The following ZBBX variants were observed in gnomAD, a reference collection of about 807,000 sequenced individuals.
ZBBX encodes zinc finger B-box domain containing.
A neutral mutation model predicts 108.5 loss-of-function variants in ZBBX; 101 were observed. The observed-to-expected ratio is 0.93, with a 90% confidence interval of 0.79 to 1.10. The LOEUF (loss-of-function observed/expected upper bound fraction) is 1.10. ZBBX is among the 50% of genes least tolerant of loss of function. The pLI is 0.00. For missense variants in ZBBX, 1,009 were observed against 941.4 expected, an observed-to-expected ratio of 1.07 and a Z score of -0.94; for synonymous variants, 356 against 323.4, an observed-to-expected ratio of 1.10 and a Z score of -1.08.
chr3:167,359,718 C>T lies in ZBBX; in HGVS notation c.432+152G>A, dbSNP rs997058915. On this transcript the variant is annotated intron_variant, in intron 8 of 21. Transcript: ENST00000675490. Reference sequence around the variant, plus strand: ...TTGACTGTCCCCAGCAGCATGCATGCTCAACCCACAGTAACAGTAATGAAG... The same window carrying T: ...TTGACTGTCCCCAGCAGCATGCATGTTCAACCCACAGTAACAGTAATGAAG... 1.6e-5 allele frequency: 6 copies of T among 378,496 alleles called. 1 individual carries two copies. Among genetic ancestry groups the T allele is most frequent in the Admixed American group, 9.1e-5 (2 of 21,886 alleles). 23.4% of individuals were successfully genotyped at this position (378,496 alleles called of 1,614,324 possible).
At chr3:167,277,697 G>C in intron 20 of ZBBX, among the ~76,000 whole-genome samples, 1 of 152,052 alleles carries the variant, frequency 6.6e-6, no homozygotes, top group East Asian at 1.9e-4. Context: ...CAACGAGACA[G>C]AAAGTCAACA....
At chr3:167,268,314 G>A (rs1360477508) in intron 20 of ZBBX, among the ~76,000 whole-genome samples, 1 of 151,814 alleles carries the variant, frequency 6.6e-6, no homozygotes, top group Non-Finnish European at 1.5e-5. Flanking sequence ...TCCATTTTAG[G>A]CATTCTCTTC....
chr3:167,391,322 C>A (rs1174368769), intron 1 of ZBBX, among the ~76,000 whole-genome samples: 1 of 151,906 alleles, frequency 6.6e-6, no homozygotes. Context: ...GTCTTGCATC[C>A]CAGGGATGAA....
In ZBBX at chr3:167,240,708, T is replaced by G; in HGVS notation, c.*85A>C. 4 of 1,480,526 alleles carry G rather than the reference T, an allele frequency of 2.7e-6. No homozygotes were observed. Among genetic ancestry groups the G allele is most frequent in the Non-Finnish European group, 3.7e-6 (4 of 1,095,450 alleles). The allele number at this position is 1,480,526 out of a possible 1,614,324, so 91.7% of individuals were successfully genotyped here. On this transcript the variant is annotated 3_prime_UTR_variant, in exon 22 of 22. Coordinates refer to ENST00000675490, the MANE Select transcript of ZBBX (RefSeq NM_001199201.2). ...CATTAGTAATCAAAATCTCCAGCAC[T>G]TGGATAGGTAATCACTTGGTTACTT...
intron 10 of ZBBX, among the ~76,000 whole-genome samples, chr3:167,330,787 AAGAAAG>A (rs1413194628): frequency 1.8e-4 from 10 of 54,626 alleles, no homozygotes; most frequent in Non-Finnish European, 3.4e-4. Flanking sequence ...AAAGGAGAAG[AAGAAAG>A]AAGAAGAAGA....
chr3:167,322,210 G>A lies in ZBBX; in HGVS notation c.890C>T (p.Thr297Ile). 1 of 1,480,314 alleles carries A rather than the reference G, an allele frequency of 6.8e-7. No individual in the cohort carries two copies. The highest frequency in any genetic ancestry group is 9.0e-7 in the Non-Finnish European group (1 of 1,112,754). The allele number at this position is 1,480,314 out of a possible 1,614,324, so 91.7% of individuals were successfully genotyped here. Residue 297 changes from threonine (T) to isoleucine (I), a missense_variant, in exon 12 of 22, where the codon ACT becomes ATT. Physicochemically the swap from Thr to Ile is moderately conservative, Grantham distance 89. Coordinates refer to ENST00000675490, the MANE Select transcript of ZBBX (RefSeq NM_001199201.2). ...TGGTTCTCTCCAAATTTTCAGATTA[G>A]TCTGTACTTCGCATTCTTCCAATGA... ...KDSLEECEVQ[T>I]NLKIWREPLN...
the ZBBX span, among the ~76,000 whole-genome samples, chr3:167,183,673 G>A: frequency 1.6e-4 from 25 of 152,334 alleles, no homozygotes; most frequent in African/African-American, 5.0e-4. Context: ...TCCGCCACAG[G>A]AACATGTCCG....
the ZBBX span, among the ~76,000 whole-genome samples, chr3:167,191,910 T>G: frequency 1.6e-5 from 2 of 122,220 alleles, no homozygotes; most frequent in Non-Finnish European, 3.4e-5. Flanking sequence ...TATATATATA[T>G]ATATATATAT....
At chr3:167,270,041 T>C (rs1726248754) in intron 20 of ZBBX, among the ~76,000 whole-genome samples, 1 of 152,140 alleles carries the variant, frequency 6.6e-6, no homozygotes. Flanking sequence ...AGGTTTCTGT[T>C]CCAAAGCATA....
chr3:167,317,445 G>T, intron 13 of ZBBX, 43 bp downstream of exon 13: 1 of 1,453,766 alleles, frequency 6.9e-7, no homozygotes, highest in South Asian at 1.2e-5. Context: ...TATATAACTT[G>T]AGACAATACA....
chr3:167,289,804 C>T (rs1478758103), intron 18 of ZBBX, among the ~76,000 whole-genome samples: 1 of 152,180 alleles, frequency 6.6e-6, no homozygotes, highest in Non-Finnish European at 1.5e-5. Context: ...GGTTCCCACC[C>T]TCATGGAGTC....
downstream of ZBBX, among the ~76,000 whole-genome samples, chr3:167,235,488 A>C (rs1720195413): frequency 6.6e-6 from 1 of 151,530 alleles, no homozygotes; most frequent in Non-Finnish European, 1.5e-5. Context: ...TTGTAACTAG[A>C]ATGTGTAGAT....
intron 16 of ZBBX, among the ~76,000 whole-genome samples, chr3:167,313,106 C>A (rs770773547): frequency 6.6e-6 from 1 of 152,036 alleles, no homozygotes; most frequent in South Asian, 2.1e-4. Context: ...TTTAAAGGCA[C>A]AAATGGAAAC....
At chr3:167,384,204 G>T (rs1351876119), upstream of ZBBX, among the ~76,000 whole-genome samples, 1 of 152,090 alleles carries the variant, frequency 6.6e-6, no homozygotes, top group Non-Finnish European at 1.5e-5. Context: ...AGGAGGACAA[G>T]AGACACTTTT....
intron 9 of ZBBX, among the ~76,000 whole-genome samples, chr3:167,340,781 A>G (rs1216649250): frequency 1.3e-5 from 2 of 151,964 alleles, no homozygotes; most frequent in Non-Finnish European, 1.5e-5. Flanking sequence ...ATTTGTATAT[A>G]GAAGACAACT....
At chr3:167,350,553 A>G (rs376493812) in intron 8 of ZBBX, 38 bp from the exon 9 acceptor site, 234 of 1,402,134 alleles carry the variant, frequency 1.7e-4, no homozygotes, top group Admixed American at 2.6e-4. Context: ...ACAATCTTAT[A>G]AAATAGTATG....
intron 9 of ZBBX, among the ~76,000 whole-genome samples, chr3:167,338,384 TTTTAG>T (rs1739940709): frequency 6.6e-6 from 1 of 152,092 alleles, no homozygotes; most frequent in Non-Finnish European, 1.5e-5. Flanking sequence ...AGAATAAAAG[TTTTAG>T]TTTAGTTAGA....
chr3:167,257,629 A>G (rs1723755051), intron 20 of ZBBX, among the ~76,000 whole-genome samples: 1 of 152,058 alleles, frequency 6.6e-6, no homozygotes, highest in Non-Finnish European at 1.5e-5. Context: ...TTCAGCATCA[A>G]TTGAAATGAT....
intron 11 of ZBBX, among the ~76,000 whole-genome samples, chr3:167,326,878 TAGTC>T (rs1404998559): frequency 3.3e-5 from 5 of 151,942 alleles, no homozygotes; most frequent in East Asian, 1.9e-4. Flanking sequence ...AAAAGTGTAA[TAGTC>T]AGAAGAGTTT....
Sources: allele counts gnomAD v4.1 joint callset (sites outside exome capture counted in the v4.1 genomes callset), GRCh38; gene constraint gnomAD v4.1.1; transcripts MANE v1.5; gene names NCBI Gene and HGNC (gene_info 2026-07-23, HGNC 2026-07-21).